The following CELF5 variants were observed in gnomAD, a reference collection of about 807,000 sequenced individuals.
CELF5 encodes CUG-BP and ETR-3 like factor 5.
CELF5 carries 6 observed loss-of-function variants against 54.9 expected under a neutral mutation model. The ratio of observed to expected loss-of-function variants is 0.11; its 90% CI spans 0.06 to 0.22. The LOEUF (loss-of-function observed/expected upper bound fraction) is 0.22. Among genes scored for constraint, CELF5 ranks in the 10% least tolerant of loss-of-function variants. The pLI is 1.00. For synonymous variants in CELF5, 271 were observed against 290.9 expected, an observed-to-expected ratio of 0.93 and a Z score of 0.70; for missense variants, 401 against 678.6, an observed-to-expected ratio of 0.59 and a Z score of 4.54.
chr19:3,290,281 G>C lies in CELF5; in HGVS notation c.1237G>C (p.Asp413His). The change falls in exon 11 of 13, where the codon GAC becomes CAC. Residue 413 changes from aspartate (D) to histidine (H), a missense_variant. Coordinates refer to ENST00000292672, the MANE Select transcript of CELF5 (RefSeq NM_021938.4). ...CTACCACCTCCCCCAGGAGTTTGGA[G>C]ACACGGAGCTGACGCAGATGTTCCT... ...FIYHLPQEFG[D>H]TELTQMFLPF... 6.2e-7 allele frequency: 1 copy of C among 1,614,032 alleles called. No homozygotes were observed. The highest frequency in any genetic ancestry group is 8.5e-7 in the Non-Finnish European group (1 of 1,179,956).
chr19:3,285,930 C>G lies in CELF5; in HGVS notation c.1103-12C>G. On this transcript the variant is annotated splice_polypyrimidine_tract_variant and intron_variant, in intron 9 of 12. Coordinates refer to ENST00000292672, the MANE Select transcript of CELF5 (RefSeq NM_021938.4). ...CCCCTCCTCGCCCTGTGTCTCGCTC[C>G]GGTCTCCGCAGCCATGTACCCCACC... 2 of 1,560,632 alleles carry G rather than the reference C, an allele frequency of 1.3e-6. No individual in the cohort carries two copies. The highest frequency in any genetic ancestry group is 1.7e-6 in the Non-Finnish European group (2 of 1,160,940).
chr19:3,244,517 C>T (rs915888936), intron 1 of CELF5, among the ~76,000 whole-genome samples: 5 of 135,488 alleles, frequency 3.7e-5, no homozygotes, highest in Non-Finnish European at 1.5e-5. Context: ...GGTGTGCATG[C>T]GTCTTGTCTG....
At chr19:3,279,162 C>T (rs1298567880) in intron 5 of CELF5, among the ~76,000 whole-genome samples, 1 of 151,004 alleles carries the variant, frequency 6.6e-6, no homozygotes, top group Non-Finnish European at 1.5e-5. Flanking sequence ...GCCAGGTGGA[C>T]AGGGAGGAGG....
At chr19:3,247,962 G>A (rs927974727) in intron 1 of CELF5, among the ~76,000 whole-genome samples, 2 of 151,544 alleles carry the variant, frequency 1.3e-5, no homozygotes, top group Admixed American at 6.6e-5. Context: ...ATGGAGTTTC[G>A]CCTTTTGGGC....
chr19:3,235,677 GATGT>G (rs1917542253), intron 1 of CELF5, among the ~76,000 whole-genome samples: 3 of 128,882 alleles, frequency 2.3e-5, no homozygotes, highest in Admixed American at 7.8e-5. Context: ...TGGATGGATG[GATGT>G]GTGGATGGGT....
At chr19:3,249,124 T>G (rs1256396419) in intron 1 of CELF5, among the ~76,000 whole-genome samples, 1 of 151,688 alleles carries the variant, frequency 6.6e-6, no homozygotes, top group African/African-American at 2.4e-5. Flanking sequence ...CCTGGAGAAG[T>G]GGACACCGTG....
intron 11 of CELF5, among the ~76,000 whole-genome samples, chr19:3,291,084 G>A (rs1332087257): frequency 1.3e-5 from 2 of 150,214 alleles, no homozygotes. Context: ...AACATAGCAA[G>A]ACCCCATTTC....
At chr19:3,271,322 G>A (rs1042620841) in intron 2 of CELF5, among the ~76,000 whole-genome samples, 1 of 151,912 alleles carries the variant, frequency 6.6e-6, no homozygotes, top group African/African-American at 2.4e-5. Context: ...CTCCCCTCCT[G>A]CCTCCAGCCT....
At chr19:3,272,626 C>T (rs1161315970) in intron 2 of CELF5, among the ~76,000 whole-genome samples, 2 of 152,194 alleles carry the variant, frequency 1.3e-5, no homozygotes, top group Non-Finnish European at 2.9e-5. Flanking sequence ...CAGCAGGTTT[C>T]TCCAATTCCT....
In CELF5 at chr19:3,282,022, C is replaced by T. The variant is rs2080160502; in HGVS notation, c.751-104C>T. On this transcript the variant is annotated intron_variant, in intron 6 of 12. Transcript: ENST00000292672. This position sits in a 1 kb window ranked among gnomAD's most constrained non-coding sequence, Gnocchi z 5.2. ...TCTGATCTCAGCCTGAGCCAAGATA[C>T]CCAGCCTGACCTCCTCACTAGTAAC... is the stretch of plus-strand genomic sequence containing the variant. 3.0e-6 allele frequency: 4 copies of T among 1,317,920 alleles called. No individual in the cohort carries two copies. Among genetic ancestry groups the T allele is most frequent in the Non-Finnish European group, 4.3e-6 (4 of 930,634 alleles). 81.6% of individuals were successfully genotyped at this position (1,317,920 alleles called of 1,614,324 possible).
At chr19:3,239,134 T>C (rs11085005) in intron 1 of CELF5, among the ~76,000 whole-genome samples, 48,014 of 151,810 alleles carry the variant, frequency 0.32, 8,207 homozygotes, top group East Asian at 0.69. Context: ...GGGTCTCACT[T>C]TGTCACCCAG....
At chr19:3,293,752 G>A (rs987447145) in intron 12 of CELF5, 14 of 340,866 alleles carry the variant, frequency 4.1e-5, no homozygotes, top group East Asian at 2.8e-4. Context: ...AATCCTTCCC[G>A]GAGAAGGCTT....
intron 1 of CELF5, among the ~76,000 whole-genome samples, chr19:3,236,390 A>G (rs1917601126): frequency 6.6e-6 from 1 of 152,082 alleles, no homozygotes; most frequent in South Asian, 2.1e-4. Context: ...GAAGGCTCAG[A>G]GAGGTTAAGT....
chr19:3,272,956 G>A (rs2079990233), intron 2 of CELF5, among the ~76,000 whole-genome samples: 1 of 152,114 alleles, frequency 6.6e-6, no homozygotes, highest in South Asian at 2.1e-4. Context: ...GTTGGTGCCA[G>A]TGAGAATTTT....
At chr19:3,274,377 ATGTG>A (rs1023932923) in intron 3 of CELF5, among the ~76,000 whole-genome samples, 3 of 152,150 alleles carry the variant, frequency 2.0e-5, no homozygotes, top group Non-Finnish European at 4.4e-5. Flanking sequence ...CTGTGTGCAG[ATGTG>A]TGTGAGTACG....
At position 3,281,135 on chromosome 19, in the gene CELF5, G is replaced by C. The variant is rs1391624513; in HGVS notation, c.604-64G>C. On this transcript the variant is annotated intron_variant, in intron 5 of 12. Transcript: ENST00000292672. This position sits in a 1 kb window ranked among gnomAD's most constrained non-coding sequence, Gnocchi z 6.5. ...GGAGGCCTGAGCTAACATGAATCCA[G>C]GGACCCCAGAGTCCTGGCTACCTCC... The C allele has an allele frequency of 6.4e-7, 1 of 1,560,696 alleles. No individual in the cohort carries two copies. Among genetic ancestry groups the C allele is most frequent in the Admixed American group, 1.7e-5 (1 of 58,680 alleles).
At chr19:3,255,101 A>G (rs10414530) in intron 2 of CELF5, among the ~76,000 whole-genome samples, 29,532 of 152,048 alleles carry the variant, frequency 0.19, 3,312 homozygotes, top group East Asian at 0.54. Context: ...CAGTTCTGTG[A>G]CTGGTCACCT....
chr19:3,276,181 G>T (rs1187555239), intron 4 of CELF5, among the ~76,000 whole-genome samples, 197 bp downstream of exon 4: 2 of 131,520 alleles, frequency 1.5e-5, no homozygotes, highest in Non-Finnish European at 3.3e-5. Context: ...GGGCGGAATT[G>T]CAGGGGCGGG....
At position 3,238,028 on chromosome 19, in the gene CELF5, GAA is replaced by G. The variant is rs1415092773; in HGVS notation, c.260-12955_260-12954del. Among the ~76,000 whole-genome samples the G allele has an allele frequency of 2.6e-5, 4 of 151,428 alleles. No homozygotes were observed. In the South Asian group the frequency reaches 6.2e-4, roughly 24 times the overall value. Reference sequence around the variant, plus strand: ...CACGCCACTGCACTCCAGCCTGGGTGAAAGAGAGAGGCTCTGTCTCAAAAAAA... The same window carrying G: ...CACGCCACTGCACTCCAGCCTGGGTGAGAGAGAGGCTCTGTCTCAAAAAAA... On this transcript the variant is annotated intron_variant, in intron 1 of 12. Transcript: ENST00000292672.
Sources: gnomAD v4.1 joint callset for allele counts (sites outside exome capture counted in the v4.1 genomes callset) on GRCh38, gnomAD v4.1.1 for gene constraint, Gnocchi (gnomAD v3.1) non-coding constraint, MANE v1.5 for transcripts, NCBI Gene and HGNC (gene_info 2026-07-23, HGNC 2026-07-21) for gene names.